The following OTC variants were observed in gnomAD, a reference collection of about 807,000 sequenced individuals.
The protein encoded by OTC is ornithine transcarbamylase, mitochondrial.
A neutral mutation model predicts 30.3 loss-of-function variants in OTC; 3 were observed. That is an observed-to-expected ratio of 0.10 (90% confidence interval 0.05 to 0.26). The LOEUF is 0.26. Among genes scored for constraint, OTC ranks in the 10% least tolerant of loss-of-function variants. OTC has a pLI of 1.00. For synonymous variants in OTC, 111 were observed against 99.7 expected, an observed-to-expected ratio of 1.11 and a Z score of -0.67; for missense variants, 194 against 260.3, an observed-to-expected ratio of 0.75 and a Z score of 1.75.
the OTC span, among the ~76,000 whole-genome samples, chrX:38,328,227 A>T: frequency 8.9e-5 from 10 of 112,490 alleles, no homozygotes; most frequent in Middle Eastern, 4.6e-3. Flanking sequence ...GAATGAGCAG[A>T]TTTACGTACG....
In OTC at chrX:38,365,889, A is replaced by G. The variant is rs1275314470; in HGVS notation, c.78-1402A>G. 8.9e-5 allele frequency among the ~76,000 whole-genome samples: 10 copies of G among 112,365 alleles called. 1 individual carries two copies. The Admixed American group carries it at 9.4e-4, about 11-fold the overall frequency. On this transcript the variant is annotated intron_variant, in intron 1 of 9. Coordinates refer to ENST00000039007, the MANE Select transcript of OTC (RefSeq NM_000531.6). ...ATGGTATTGTTTCAGATCATGACCA[A>G]GAGACCTCCTGGAGGGGTGGGGGAA...
intron 8 of OTC, among the ~76,000 whole-genome samples, chrX:38,409,436 A>T (rs1402820257): frequency 8.9e-6 from 1 of 112,722 alleles, no homozygotes; most frequent in East Asian, 2.8e-4. Flanking sequence ...AATCCAGTTT[A>T]GTTTTGCTAA....
At chrX:38,393,871 C>T (rs756785584) in intron 4 of OTC, among the ~76,000 whole-genome samples, 1 of 111,946 alleles carries the variant, frequency 8.9e-6, no homozygotes, top group Non-Finnish European at 1.9e-5. Flanking sequence ...AATCCAATTC[C>T]TTGTCCATTC....
chrX:38,342,059 G>A, the OTC span, among the ~76,000 whole-genome samples: 4 of 79,039 alleles, frequency 5.1e-5, no homozygotes, highest in South Asian at 9.3e-4. Context: ...TCGCTCTGTC[G>A]CCCAGGCTAG....
intron 2 of OTC, among the ~76,000 whole-genome samples, chrX:38,369,129 C>A (rs1385724430): frequency 9.0e-6 from 1 of 110,975 alleles, no homozygotes; most frequent in East Asian, 2.8e-4. Context: ...TGAGAAAACA[C>A]CTCCAAACCA....
chrX:38,411,664 T>TAA (rs1460286783), intron 8 of OTC, among the ~76,000 whole-genome samples, 198 bp from the exon 9 acceptor site: 2 of 101,120 alleles, frequency 2.0e-5, no homozygotes, highest in African/African-American at 8.0e-5. Flanking sequence ...AGACTCTGTC[T>TAA]CAAAAAAAAA....
the OTC span, among the ~76,000 whole-genome samples, chrX:38,331,431 G>GTTTTTTTTT: frequency 1.4e-5 from 1 of 73,450 alleles, no homozygotes; most frequent in Non-Finnish European, 2.5e-5. Context: ...TTTTTTTTTT[G>GTTTTTTTTT]TTTTTTTTTT....
At chrX:38,419,667 A>C (rs192960686) in intron 9 of OTC, among the ~76,000 whole-genome samples, 1 of 112,049 alleles carries the variant, frequency 8.9e-6, no homozygotes, top group East Asian at 2.8e-4. Flanking sequence ...TGATTTATGT[A>C]TGTCGATTTC....
intron 4 of OTC, among the ~76,000 whole-genome samples, chrX:38,396,767 C>T (rs2068459644): frequency 9.1e-6 from 1 of 110,083 alleles, no homozygotes; most frequent in South Asian, 3.8e-4. Flanking sequence ...AGCGAGACTC[C>T]GTCTGAAAAA....
At chrX:38,396,128 T>C (rs1281305408) in intron 4 of OTC, among the ~76,000 whole-genome samples, 1 of 107,149 alleles carries the variant, frequency 9.3e-6, no homozygotes, top group Non-Finnish European at 1.9e-5. Context: ...AATTTTTTTT[T>C]TTTTTGTATT....
the OTC span, among the ~76,000 whole-genome samples, chrX:38,329,535 A>G: frequency 8.9e-6 from 1 of 111,832 alleles, no homozygotes; most frequent in East Asian, 2.8e-4. Context: ...AACTTTCCAT[A>G]CCTAAGTAAC....
At chrX:38,399,265 T>A (rs770705974) in intron 4 of OTC, among the ~76,000 whole-genome samples, 1 of 111,420 alleles carries the variant, frequency 9.0e-6, no homozygotes, top group Admixed American at 9.6e-5. Context: ...AGATCTAATA[T>A]GCTCTCAGAT....
intron 9 of OTC, among the ~76,000 whole-genome samples, chrX:38,416,818 T>A (rs1485784252): frequency 8.9e-6 from 1 of 112,353 alleles, no homozygotes; most frequent in Non-Finnish European, 1.9e-5. Context: ...TAAGTTTTTA[T>A]TTGGAAATAA....
At chrX:38,328,300 A>G in the OTC span, among the ~76,000 whole-genome samples, 1 of 111,974 alleles carries the variant, frequency 8.9e-6, no homozygotes, top group Non-Finnish European at 1.9e-5. Flanking sequence ...TCCCTGAATT[A>G]CTCTTGTGTG....
intron 4 of OTC, among the ~76,000 whole-genome samples, chrX:38,398,900 C>T (rs1245834036): frequency 9.0e-6 from 1 of 111,403 alleles, no homozygotes; most frequent in Middle Eastern, 4.3e-3. Context: ...CTTAGGGCAT[C>T]AAATAAGTAA....
At chrX:38,350,442 A>G (rs2068208502), upstream of OTC, among the ~76,000 whole-genome samples, 3 of 111,763 alleles carry the variant, frequency 2.7e-5, no homozygotes, top group Non-Finnish European at 5.6e-5. Context: ...AAATTGAATT[A>G]GAGGAATCAT....
the OTC span, among the ~76,000 whole-genome samples, chrX:38,336,348 C>A: frequency 3.7e-5 from 4 of 109,177 alleles, no homozygotes; most frequent in South Asian, 4.0e-4. Context: ...TCTACTCCCT[C>A]CCTCCATTCT....
intron 4 of OTC, among the ~76,000 whole-genome samples, chrX:38,381,962 A>G (rs2068379040): frequency 8.9e-6 from 1 of 112,072 alleles, no homozygotes; most frequent in African/African-American, 3.2e-5. Flanking sequence ...CATAGTGCAG[A>G]TGTTCCTGAT....
chrX:38,386,630 G>C, intron 4 of OTC, among the ~76,000 whole-genome samples: 1 of 111,192 alleles, frequency 9.0e-6, no homozygotes. Context: ...CATATGCCGG[G>C]ATTTCCTTCT....
Sources: gnomAD v4.1 joint callset for allele counts (sites outside exome capture counted in the v4.1 genomes callset) on GRCh38, gnomAD v4.1.1 for gene constraint, MANE v1.5 for transcripts, NCBI Gene and HGNC (gene_info 2026-07-23, HGNC 2026-07-21) for gene names.